The following PIGL variants were observed in gnomAD, a reference collection of about 807,000 sequenced individuals.
The protein encoded by PIGL is phosphatidylinositol glycan anchor biosynthesis class L, also known as N-acetylglucosaminyl-phosphatidylinositol de-N-acetylase.
A neutral mutation model predicts 31.1 loss-of-function variants in PIGL; 22 were observed. That is an observed-to-expected ratio of 0.71 (90% CI 0.51 to 1.01). The LOEUF (loss-of-function observed/expected upper bound fraction) is 1.01, where lower values mean the gene tolerates loss of function less well. PIGL is among the 50% of genes least tolerant of loss of function. PIGL has a pLI of 0.00. For missense variants in PIGL, 302 were observed against 315.9 expected, an observed-to-expected ratio of 0.96 and a Z score of 0.33; for synonymous variants, 131 against 117.4, an observed-to-expected ratio of 1.12 and a Z score of -0.75.
chr17:16,315,289 C>T (rs2093070534), intron 4 of PIGL, among the ~76,000 whole-genome samples: 1 of 152,204 alleles, frequency 6.6e-6, no homozygotes, highest in Non-Finnish European at 1.5e-5. Flanking sequence ...TCCCCACAGT[C>T]ATCTCTTGCC....
chr17:16,233,884 G>C, intron 1 of PIGL, 87 bp from the exon 2 acceptor site: 1 of 688,784 alleles, frequency 1.5e-6, no homozygotes, highest in Non-Finnish European at 2.5e-6. Flanking sequence ...ATCCTTTAAG[G>C]AACAAAAACA....
At chr17:16,275,429 G>A (rs1369405479) in intron 2 of PIGL, among the ~76,000 whole-genome samples, 1 of 152,100 alleles carries the variant, frequency 6.6e-6, no homozygotes, top group Non-Finnish European at 1.5e-5. Context: ...AGGTCTTTAT[G>A]ACGTGTATTT....
intron 2 of PIGL, among the ~76,000 whole-genome samples, chr17:16,255,400 A>G (rs1250459384): frequency 1.3e-5 from 2 of 152,214 alleles, no homozygotes; most frequent in Non-Finnish European, 2.9e-5. Flanking sequence ...TCTTGACATC[A>G]ATGTAGCATT....
chr17:16,252,055 A>AT (rs150729398), intron 2 of PIGL, among the ~76,000 whole-genome samples: 6,580 of 133,562 alleles, frequency 0.049, 177 homozygotes, highest in African/African-American at 0.11. Context: ...TGCGCAGATA[A>AT]TTTTTTTTTC....
At chr17:16,283,079 T>G (rs1487214070) in intron 2 of PIGL, among the ~76,000 whole-genome samples, 1 of 152,024 alleles carries the variant, frequency 6.6e-6, no homozygotes. Context: ...CTTGGCTCAC[T>G]GCAACTTCTG....
intron 1 of PIGL, among the ~76,000 whole-genome samples, chr17:16,231,477 T>C (rs2092679274): frequency 6.6e-6 from 1 of 151,976 alleles, no homozygotes; most frequent in African/African-American, 2.4e-5. Context: ...TGGCCTCAAG[T>C]GATCCTCTTG....
intron 2 of PIGL, among the ~76,000 whole-genome samples, chr17:16,280,204 C>G (rs906403327): frequency 1.3e-5 from 2 of 152,216 alleles, no homozygotes; most frequent in African/African-American, 4.8e-5. Context: ...TTATCTGCTC[C>G]TGGGGGCAGA....
chr17:16,299,957 A>C lies in PIGL; in HGVS notation c.405A>C (p.Ile135=). The C allele has an allele frequency of 1.2e-6, 2 of 1,613,802 alleles. No individual in the cohort carries two copies. The highest frequency in any genetic ancestry group is 2.7e-5 in the African/African-American group (2 of 75,058). The change falls in exon 3 of 7, where the codon ATA becomes ATC. Residue 135 remains isoleucine, a synonymous_variant. Transcript: ENST00000225609. ...TGGCCAGAGTCCTCCTTCAGCACATAGAAGTGAATGGCATCAATCTGGTAA... is the reference window on the plus strand; with the variant it reads ...TGGCCAGAGTCCTCCTTCAGCACATCGAAGTGAATGGCATCAATCTGGTAA... The part of the protein sequence containing the change: ...EHVARVLLQH[I]EVNGINLVVT...
At chr17:16,310,077 C>CAAAA (rs58352380) in intron 3 of PIGL, among the ~76,000 whole-genome samples, 11 of 88,314 alleles carry the variant, frequency 1.2e-4, no homozygotes, top group Admixed American at 2.7e-4. Flanking sequence ...GACTCCATCT[C>CAAAA]AAAAAAAAAA....
chr17:16,302,126 A>C (rs2142839720), intron 3 of PIGL, among the ~76,000 whole-genome samples: 2 of 152,184 alleles, frequency 1.3e-5, no homozygotes, highest in Middle Eastern at 3.4e-3. Flanking sequence ...GAGTCACCTA[A>C]AAGCTGAGCT....
chr17:16,221,115 CAATA>C (rs2142632916), intron 1 of PIGL, among the ~76,000 whole-genome samples: 1 of 152,106 alleles, frequency 6.6e-6, no homozygotes, highest in Non-Finnish European at 1.5e-5. Context: ...TAATGAAAGA[CAATA>C]AAAACATTGA....
chr17:16,311,064 A>G lies in PIGL; in HGVS notation c.427-2483A>G, dbSNP rs533529245. On this transcript the variant is annotated intron_variant, in intron 3 of 6. Coordinates refer to ENST00000225609, the MANE Select transcript of PIGL (RefSeq NM_004278.4). Reference sequence around the variant, plus strand: ...TGTACATGCAGTCATTATGCTTTACAGTTTAAAATAGAAAGACCAAGAGCG... The same window carrying G: ...TGTACATGCAGTCATTATGCTTTACGGTTTAAAATAGAAAGACCAAGAGCG... Among the ~76,000 whole-genome samples, 5 of 152,272 alleles carry G rather than the reference A, an allele frequency of 3.3e-5. No individual in the cohort carries two copies. In the South Asian group the frequency reaches 1.0e-3, roughly 32 times the overall value.
At chr17:16,241,324 C>T (rs1181300332) in intron 2 of PIGL, among the ~76,000 whole-genome samples, 1 of 151,520 alleles carries the variant, frequency 6.6e-6, no homozygotes, top group Non-Finnish European at 1.5e-5. Context: ...TGCAGTGGCT[C>T]AGGCCTGTAA....
chr17:16,315,596 G>A (rs1261563649), intron 4 of PIGL, among the ~76,000 whole-genome samples: 1 of 151,784 alleles, frequency 6.6e-6, no homozygotes, highest in Non-Finnish European at 1.5e-5. Flanking sequence ...TGCTTTCCCT[G>A]GACATCAGAA....
chr17:16,317,772 C>T lies in PIGL; in HGVS notation c.527-3C>T, dbSNP rs758787524. ...CACTTCACCCTGTCTCCTCTCCATC[C>T]AGGGTGCTCTGTGCTCACGCTTCAG... On this transcript the variant is annotated splice_polypyrimidine_tract_variant and splice_region_variant and intron_variant, in intron 5 of 6. Coordinates refer to ENST00000225609, the MANE Select transcript of PIGL (RefSeq NM_004278.4). The T allele has an allele frequency of 1.2e-6, 2 of 1,613,842 alleles. No homozygotes were observed. The highest frequency in any genetic ancestry group is 1.1e-5 in the South Asian group (1 of 91,058).
chr17:16,304,668 G>C (rs190858318), intron 3 of PIGL, among the ~76,000 whole-genome samples: 3 of 152,210 alleles, frequency 2.0e-5, no homozygotes, highest in East Asian at 1.9e-4. Context: ...GCAGCCTAGG[G>C]GGGTAGTAGT....
rs560817980 is a variant in PIGL, at chr17:16,262,014, G to A, written c.335+27944G>A. 3.9e-5 allele frequency among the ~76,000 whole-genome samples: 6 copies of A among 152,214 alleles called. No homozygotes were observed. The East Asian group carries it at 9.7e-4, about 25-fold the overall frequency. ...AAGGCCGGCAGATCACTTGAAGCCA[G>A]GAGTTCAAGACCAGCCTGGTCGACA... is the stretch of plus-strand genomic sequence containing the variant. On this transcript the variant is annotated intron_variant, in intron 2 of 6. Transcript: ENST00000225609.
chr17:16,317,689 C>A, intron 5 of PIGL, 86 bp from the exon 6 acceptor site: 2 of 1,590,068 alleles, frequency 1.3e-6, no homozygotes, highest in South Asian at 1.1e-5. Context: ...CTGCCCTGAG[C>A]CACAGGGTAG....
chr17:16,240,288 T>C (rs900023988), intron 2 of PIGL, among the ~76,000 whole-genome samples: 2 of 152,176 alleles, frequency 1.3e-5, no homozygotes, highest in African/African-American at 4.8e-5. Context: ...GCTTCCTTTA[T>C]AGCCTGCAGA....
Sources: allele counts gnomAD v4.1 joint callset (sites outside exome capture counted in the v4.1 genomes callset), GRCh38; gene constraint gnomAD v4.1.1; transcripts MANE v1.5; gene names NCBI Gene and HGNC (gene_info 2026-07-23, HGNC 2026-07-21).